The following KNTC1 variants were observed in gnomAD, a reference collection of about 807,000 sequenced individuals.
KNTC1 encodes kinetochore-associated protein 1.
KNTC1 carries 253 observed loss-of-function variants against 314.4 expected under a neutral mutation model. The observed-to-expected ratio is 0.80, with a 90% confidence interval of 0.73 to 0.89. KNTC1 has a LOEUF of 0.89. Ranked by LOEUF, KNTC1 falls within the 40% of genes least tolerant of loss-of-function variation. KNTC1 has a pLI of 0.00. For synonymous variants in KNTC1, 901 were observed against 901.4 expected, an observed-to-expected ratio of 1.00 and a Z score of 0.01; for missense variants, 2,475 against 2,572.9, an observed-to-expected ratio of 0.96 and a Z score of 0.82.
intron 57 of KNTC1, chr12:122,617,408 G>C (rs929443021): frequency 2.2e-6 from 1 of 450,524 alleles, no homozygotes; most frequent in Admixed American, 2.4e-5. Context: ...AATGTATAGA[G>C]ATGGAGGTCT....
chr12:122,555,410 G>A (rs971429469), intron 16 of KNTC1, among the ~76,000 whole-genome samples: 1 of 152,060 alleles, frequency 6.6e-6, no homozygotes, highest in Non-Finnish European at 1.5e-5. Context: ...ATATTAGCTG[G>A]GCATGGCAGT....
chr12:122,592,297 A>T (rs1030794978), intron 42 of KNTC1, among the ~76,000 whole-genome samples: 1 of 152,182 alleles, frequency 6.6e-6, no homozygotes, highest in African/African-American at 2.4e-5. Flanking sequence ...GCCATGCCTG[A>T]GCCTTCCCCC....
intron 56 of KNTC1, 103 bp downstream of exon 56, chr12:122,615,189 G>A: frequency 1.1e-6 from 1 of 895,194 alleles, no homozygotes; most frequent in East Asian, 2.6e-5. Context: ...GATTTATGCT[G>A]AAAACACAGT....
At chr12:122,549,051 T>TTTTA (rs907823888) in intron 12 of KNTC1, among the ~76,000 whole-genome samples, 1 of 152,094 alleles carries the variant, frequency 6.6e-6, no homozygotes, top group East Asian at 1.9e-4. Flanking sequence ...GTACTGTGTG[T>TTTTA]TTTATTTATT....
chr12:122,618,652 G>C, intron 59 of KNTC1, 107 bp downstream of exon 59: 2 of 844,772 alleles, frequency 2.4e-6, no homozygotes, highest in Non-Finnish European at 3.8e-6. Flanking sequence ...AGGAAGTTAA[G>C]CATAACACGT....
chr12:122,624,311 C>T (rs974811694), intron 62 of KNTC1, among the ~76,000 whole-genome samples: 1 of 151,924 alleles, frequency 6.6e-6, no homozygotes, highest in South Asian at 2.1e-4. Context: ...CTTTGTCACC[C>T]AGGCTGGAGT....
intron 44 of KNTC1, among the ~76,000 whole-genome samples, chr12:122,598,216 C>T (rs191144990): frequency 6.6e-6 from 1 of 152,064 alleles, no homozygotes; most frequent in Admixed American, 6.6e-5. Context: ...AAGCAATTTC[C>T]CTATAACTCC....
chr12:122,546,750 G>A (rs1962799161), intron 10 of KNTC1, 76 bp downstream of exon 10: 2 of 924,236 alleles, frequency 2.2e-6, no homozygotes, highest in African/African-American at 1.7e-5. Context: ...ACAAAGGCAA[G>A]GGTTTTAGCT....
At chr12:122,550,409 A>G (rs1963111375) in intron 13 of KNTC1, among the ~76,000 whole-genome samples, 1 of 152,086 alleles carries the variant, frequency 6.6e-6, no homozygotes, top group Admixed American at 6.6e-5. Flanking sequence ...TTCTAGATTT[A>G]AATTTTACCA....
chr12:122,565,132 A>T (rs1472205097), intron 20 of KNTC1, among the ~76,000 whole-genome samples: 1 of 151,914 alleles, frequency 6.6e-6, no homozygotes, highest in African/African-American at 2.4e-5. Flanking sequence ...AAATATTACC[A>T]CATGGATTTG....
Position 122,607,629 on chromosome 12 carries a change from G to A in KNTC1, c.5497-1755G>A, listed in dbSNP as rs144570116. On this transcript the variant is annotated intron_variant, in intron 51 of 63. Coordinates refer to ENST00000333479, the MANE Select transcript of KNTC1 (RefSeq NM_014708.6). ...ATGTTAATTTAGGTAACTTGGTTAC[G>A]GTGTTGTCTGTTTCTCTACTCCATA... is the stretch of plus-strand genomic sequence containing the variant. Among the ~76,000 whole-genome samples, 50 of 152,102 alleles carry A rather than the reference G, an allele frequency of 3.3e-4. No individual in the cohort carries two copies. The South Asian group carries it at 8.5e-3, about 26-fold the overall frequency.
In KNTC1 at chr12:122,620,560, T is replaced by C. The variant is rs1460781352; in HGVS notation, c.6231T>C (p.Ala2077=). The change falls in exon 60 of 64, where the codon GCT becomes GCC. Residue 2077 remains alanine (A), a synonymous_variant. Coordinates refer to ENST00000333479, the MANE Select transcript of KNTC1 (RefSeq NM_014708.6). ...TAGAACTTCCGGCTTTTGCATTAGC[T>C]TGTCTGATGCTCATGCCCCACTCAG... ...IQLELPAFAL[A]CLMLMPHSEK... is the part of the protein sequence containing the mutation. The C allele has an allele frequency of 2.5e-6, 4 of 1,613,608 alleles. No homozygotes were observed. The South Asian group carries it at 4.4e-5, about 18-fold the overall frequency.
intron 16 of KNTC1, among the ~76,000 whole-genome samples, chr12:122,553,199 GC>G (rs1963318186): frequency 6.6e-6 from 1 of 151,684 alleles, no homozygotes; most frequent in Non-Finnish European, 1.5e-5. Flanking sequence ...GGTGGAATCA[GC>G]AGGACTTAGT....
intron 5 of KNTC1, among the ~76,000 whole-genome samples, 155 bp downstream of exon 5, chr12:122,539,909 A>G (rs765098071): frequency 2.0e-5 from 3 of 151,230 alleles, no homozygotes; most frequent in Non-Finnish European, 4.4e-5. Context: ...CCTCCTGAGT[A>G]GCTGGGATTA....
At chr12:122,529,915 G>A in intron 1 of KNTC1, 76 bp from the exon 2 acceptor site, 1 of 748,054 alleles carries the variant, frequency 1.3e-6, no homozygotes, top group East Asian at 2.9e-5. Context: ...GTCTGTATAT[G>A]TTAATGTTAG....
intron 48 of KNTC1, 136 bp from the exon 49 acceptor site, chr12:122,604,428 T>C: frequency 2.2e-6 from 1 of 445,202 alleles, no homozygotes. Context: ...ATTACAAATA[T>C]GAGCCACTGT....
chr12:122,577,100 C>CCCTGTCTCAAAAA, intron 30 of KNTC1, 71 bp downstream of exon 30: 1 of 1,233,982 alleles, frequency 8.1e-7, no homozygotes, highest in Non-Finnish European at 1.1e-6. Context: ...TTTTTTGAGA[C>CCCTGTCTCAAAAA]AGGGTCTCGC....
chr12:122,573,583 C>G (rs902615426), intron 26 of KNTC1, among the ~76,000 whole-genome samples: 2 of 152,060 alleles, frequency 1.3e-5, no homozygotes, highest in African/African-American at 4.8e-5. Flanking sequence ...GACATGTACC[C>G]AAGGTGGTCC....
chr12:122,568,138 G>GT, intron 20 of KNTC1, 123 bp from the exon 21 acceptor site: 1 of 605,960 alleles, frequency 1.7e-6, no homozygotes, highest in African/African-American at 1.9e-5. Flanking sequence ...GTTTTTTTTA[G>GT]TTTTTTGTTT....
Sources: gnomAD v4.1 joint callset for allele counts (sites outside exome capture counted in the v4.1 genomes callset) on GRCh38, gnomAD v4.1.1 for gene constraint, MANE v1.5 for transcripts, NCBI Gene and HGNC (gene_info 2026-07-23, HGNC 2026-07-21) for gene names.